ASTN2: variants seen among roughly 807,000 people sequenced by gnomAD.
The protein encoded by ASTN2 is astrotactin 2, also known as astrotactin-2.
Under a neutral mutation model 139.8 loss-of-function variants are expected in ASTN2, and 54 were observed. That is an observed-to-expected ratio of 0.39 (90% CI 0.31 to 0.48). The LOEUF is 0.48. Among genes scored for constraint, ASTN2 ranks in the 20% least tolerant of loss-of-function variants. The pLI is 0.95. For synonymous variants in ASTN2, 756 were observed against 719.5 expected, an observed-to-expected ratio of 1.05 and a Z score of -0.81; for missense variants, 1,565 against 1,725.1, an observed-to-expected ratio of 0.91 and a Z score of 1.64.
intron 20 of ASTN2, among the ~76,000 whole-genome samples, chr9:116,486,373 G>A (rs948311295): frequency 1.3e-5 from 2 of 152,166 alleles, no homozygotes; most frequent in African/African-American, 4.8e-5. Context: ...ATGTAATGAA[G>A]GAATGTAAGA....
chr9:116,832,351 T>A (rs1318812464), intron 11 of ASTN2, among the ~76,000 whole-genome samples: 1 of 152,094 alleles, frequency 6.6e-6, no homozygotes, highest in Admixed American at 6.6e-5. Flanking sequence ...TTTTTTGATT[T>A]TTTTTTTCCC....
chr9:117,203,619 A>G (rs548974811), intron 3 of ASTN2, among the ~76,000 whole-genome samples: 157 of 151,998 alleles, frequency 1.0e-3, no homozygotes, highest in African/African-American at 3.3e-3. Context: ...TCTTCCGTAG[A>G]GCTGCTGCAG....
chr9:117,227,615 G>A (rs532576558), intron 2 of ASTN2, among the ~76,000 whole-genome samples: 52 of 152,284 alleles, frequency 3.4e-4, no homozygotes, highest in African/African-American at 4.1e-4. Context: ...CCCGAGGACC[G>A]AAAAGGCTGG....
chr9:117,360,950 G>A (rs1018634683), intron 1 of ASTN2, among the ~76,000 whole-genome samples: 1 of 151,898 alleles, frequency 6.6e-6, no homozygotes, highest in Admixed American at 6.6e-5. Flanking sequence ...TGTAGAATTG[G>A]TGACATTATT....
chr9:117,035,036 C>T (rs1401893741), intron 6 of ASTN2, among the ~76,000 whole-genome samples: 2 of 152,246 alleles, frequency 1.3e-5, no homozygotes, highest in East Asian at 3.9e-4. Context: ...CATTACTCAG[C>T]CCCATCCAAT....
chr9:116,619,688 A>ATTTTTT (rs766517097), intron 18 of ASTN2, among the ~76,000 whole-genome samples: 11 of 74,314 alleles, frequency 1.5e-4, no homozygotes, highest in Non-Finnish European at 1.7e-4. Context: ...CACACGGGCT[A>ATTTTTT]TTTTTTTTTT....
intron 19 of ASTN2, among the ~76,000 whole-genome samples, chr9:116,511,639 T>G (rs1382860240): frequency 1.3e-5 from 2 of 152,136 alleles, no homozygotes; most frequent in African/African-American, 2.4e-5. Flanking sequence ...GTACTGGACT[T>G]TTTTTGGTTG....
At chr9:117,025,526 C>A (rs754859540) in intron 6 of ASTN2, among the ~76,000 whole-genome samples, 1 of 152,092 alleles carries the variant, frequency 6.6e-6, no homozygotes, top group African/African-American at 2.4e-5. Context: ...GAATGGCTGG[C>A]CCTGGAACCT....
chr9:116,768,843 G>C (rs1300413035), intron 13 of ASTN2, among the ~76,000 whole-genome samples: 1 of 152,172 alleles, frequency 6.6e-6, no homozygotes, highest in African/African-American at 2.4e-5. Context: ...AGATTATCCA[G>C]TTTATGATAT....
chr9:117,363,669 G>A (rs985632924), intron 1 of ASTN2, among the ~76,000 whole-genome samples: 1 of 152,158 alleles, frequency 6.6e-6, no homozygotes, highest in African/African-American at 2.4e-5. Context: ...TTAAAAGTAT[G>A]GGTAGGATTT....
At chr9:117,072,606 G>C (rs1309515791) in intron 5 of ASTN2, among the ~76,000 whole-genome samples, 4 of 152,140 alleles carry the variant, frequency 2.6e-5, no homozygotes, top group Non-Finnish European at 5.9e-5. Context: ...TCTAAGTCAG[G>C]GCCCTTTGTA....
At chr9:117,342,064 C>T (rs1829077459) in intron 1 of ASTN2, among the ~76,000 whole-genome samples, 1 of 152,200 alleles carries the variant, frequency 6.6e-6, no homozygotes, top group South Asian at 2.1e-4. Context: ...TATCACCTCT[C>T]CCCATGGTTG....
At chr9:116,765,459 G>T (rs1002502568) in intron 13 of ASTN2, among the ~76,000 whole-genome samples, 1 of 152,066 alleles carries the variant, frequency 6.6e-6, no homozygotes, top group Non-Finnish European at 1.5e-5. Flanking sequence ...GTGATATTGG[G>T]TATCAACATT....
At chr9:116,929,176 G>A (rs1374929964) in intron 10 of ASTN2, among the ~76,000 whole-genome samples, 1 of 152,150 alleles carries the variant, frequency 6.6e-6, no homozygotes, top group East Asian at 1.9e-4. Context: ...TGCTGGACCT[G>A]GAAGGACTAA....
At chr9:117,322,570 G>A (rs2130833642) in intron 1 of ASTN2, among the ~76,000 whole-genome samples, 1 of 152,322 alleles carries the variant, frequency 6.6e-6, no homozygotes, top group Non-Finnish European at 1.5e-5. Context: ...CTGACATTCT[G>A]CCTTTCTGAC....
chr9:116,853,795 A>G (rs10124883), intron 11 of ASTN2, among the ~76,000 whole-genome samples: 26,376 of 152,138 alleles, frequency 0.17, 2,528 homozygotes, highest in East Asian at 0.42. Flanking sequence ...ATGAAACACT[A>G]ATACAATTTG....
intron 10 of ASTN2, among the ~76,000 whole-genome samples, chr9:116,874,078 G>A (rs1457252745): frequency 2.0e-5 from 3 of 152,156 alleles, no homozygotes; most frequent in Non-Finnish European, 4.4e-5. Flanking sequence ...GCAGGACTTG[G>A]CATTTACAGA....
At chr9:117,107,893 A>G (rs929790182) in intron 4 of ASTN2, among the ~76,000 whole-genome samples, 2 of 152,188 alleles carry the variant, frequency 1.3e-5, no homozygotes, top group African/African-American at 4.8e-5. Flanking sequence ...GTCTCTCAAG[A>G]TGTACTTTTT....
chr9:116,434,781 T>C (rs1050175671), intron 22 of ASTN2, among the ~76,000 whole-genome samples: 3 of 152,192 alleles, frequency 2.0e-5, no homozygotes, highest in Non-Finnish European at 4.4e-5. Flanking sequence ...CAGCTGGGTG[T>C]CAGTGCGTCT....
Sources: allele counts gnomAD v4.1 joint callset (sites outside exome capture counted in the v4.1 genomes callset), GRCh38; gene constraint gnomAD v4.1.1; transcripts MANE v1.5; gene names NCBI Gene and HGNC (gene_info 2026-07-23, HGNC 2026-07-21).